Variants in THRAP3 observed in about 807,000 individuals in gnomAD.
THRAP3 encodes the protein thyroid hormone receptor associated protein 3.
Under a neutral mutation model 101.0 loss-of-function variants are expected in THRAP3, and 16 were observed. The observed-to-expected ratio is 0.16, with a 90% CI of 0.11 to 0.24. THRAP3 has a LOEUF of 0.24. THRAP3 is among the 10% of genes least tolerant of loss of function. The probability of loss-of-function intolerance (pLI) is 1.00; values close to 1 mark genes in which losing one functional copy is unlikely to be tolerated. For synonymous variants in THRAP3, 407 were observed against 422.6 expected (o/e 0.96, Z 0.45); for missense variants, 989 against 1,202.7 (o/e 0.82, Z 2.63).
chr1:36,263,212 G>A (rs1645470461), intron 2 of THRAP3, among the ~76,000 whole-genome samples: 4 of 151,924 alleles, frequency 2.6e-5, no homozygotes, highest in African/African-American at 9.7e-5. Flanking sequence ...TGATCCTCCT[G>A]CTTCGGCCTC....
intron 1 of THRAP3, among the ~76,000 whole-genome samples, chr1:36,240,989 G>A (rs1237975648): frequency 1.3e-5 from 2 of 151,934 alleles, no homozygotes; most frequent in South Asian, 2.1e-4. Context: ...GGCGGATCAC[G>A]AGGTCAGGAG....
the THRAP3 span, among the ~76,000 whole-genome samples, chr1:36,213,833 G>C: frequency 1.3e-5 from 2 of 148,514 alleles, no homozygotes; most frequent in Non-Finnish European, 3.0e-5. Flanking sequence ...GGCAACAAGA[G>C]CCAAACTCTG....
At chr1:36,276,805 C>G (rs142105342) in intron 2 of THRAP3, among the ~76,000 whole-genome samples, 1 of 149,344 alleles carries the variant, frequency 6.7e-6, no homozygotes, top group Middle Eastern at 3.3e-3. Flanking sequence ...TGCAGTGAGC[C>G]GAGATCACGC....
intron 1 of THRAP3, among the ~76,000 whole-genome samples, chr1:36,231,809 G>A (rs372508859): frequency 6.6e-6 from 1 of 152,280 alleles, no homozygotes; most frequent in East Asian, 1.9e-4. Context: ...ATGTCCTAGA[G>A]TCTTGACTAA....
intron 1 of THRAP3, among the ~76,000 whole-genome samples, chr1:36,255,029 A>G (rs1645355099): frequency 6.6e-6 from 1 of 152,196 alleles, no homozygotes; most frequent in Non-Finnish European, 1.5e-5. Context: ...GACATTGCAC[A>G]GTTTTCTGTG....
intron 1 of THRAP3, among the ~76,000 whole-genome samples, chr1:36,228,475 G>A (rs772346939): frequency 3.5e-4 from 53 of 152,234 alleles, no homozygotes; most frequent in Non-Finnish European, 5.6e-4. Flanking sequence ...GACCGTTTTG[G>A]CCTCCCAAAG....
intron 2 of THRAP3, among the ~76,000 whole-genome samples, chr1:36,278,849 G>C (rs1303330193): frequency 6.6e-6 from 1 of 151,958 alleles, no homozygotes; most frequent in South Asian, 2.1e-4. Flanking sequence ...CTTGAACCCA[G>C]GTGGCAGAGG....
At chr1:36,250,609 A>G (rs1164625008) in intron 1 of THRAP3, among the ~76,000 whole-genome samples, 2 of 152,016 alleles carry the variant, frequency 1.3e-5, no homozygotes, top group Non-Finnish European at 2.9e-5. Context: ...TATAAGACAC[A>G]TTAAAAAAAT....
chr1:36,299,217 G>A (rs938106295), intron 9 of THRAP3, among the ~76,000 whole-genome samples: 1 of 152,050 alleles, frequency 6.6e-6, no homozygotes, highest in Admixed American at 6.5e-5. Context: ...GAGGTGGGTG[G>A]AGCATGAGGT....
chr1:36,285,575 G>T (rs115066335), intron 3 of THRAP3, among the ~76,000 whole-genome samples: 4,064 of 152,188 alleles, frequency 0.027, 74 homozygotes, highest in Non-Finnish European at 0.041. Flanking sequence ...ACACCGGGGT[G>T]GGGGTGTTTT....
rs746007104 is a variant in THRAP3, at chr1:36,291,450, C to T, written c.1822C>T (p.Arg608Cys). The change falls in exon 6 of 12, where the codon CGT becomes TGT. Residue 608 changes from arginine to cysteine, a missense_variant. Physicochemically the swap from Arg to Cys is radical, Grantham distance 180. Coordinates refer to ENST00000354618, the MANE Select transcript of THRAP3 (RefSeq NM_005119.4). ...TAGCAACAAAAAGGAACAGGAGTTTCGTTCCATTTTCCAGCACATACAATC... is the reference window on the plus strand; with the variant it reads ...TAGCAACAAAAAGGAACAGGAGTTTTGTTCCATTTTCCAGCACATACAATC... ...VHSNKKEQEF[R>C]SIFQHIQSAQ... 7.4e-6 allele frequency: 12 copies of T among 1,614,192 alleles called. No homozygotes were observed. Among genetic ancestry groups the T allele is most frequent in the South Asian group, 1.1e-5 (1 of 91,086 alleles).
chr1:36,258,802 T>C (rs1455369344), intron 1 of THRAP3, among the ~76,000 whole-genome samples: 2 of 152,232 alleles, frequency 1.3e-5, no homozygotes, highest in East Asian at 1.9e-4. Context: ...AAAGTTTTGA[T>C]AAGGCAGGAG....
At chr1:36,268,152 A>T (rs564958273) in intron 2 of THRAP3, among the ~76,000 whole-genome samples, 13 of 152,138 alleles carry the variant, frequency 8.5e-5, no homozygotes, top group African/African-American at 3.1e-4. Context: ...ACTGTACTCC[A>T]GCCTGGGCAA....
chr1:36,243,151 C>CTT (rs58340320), intron 1 of THRAP3, among the ~76,000 whole-genome samples: 614 of 60,820 alleles, frequency 0.01, 15 homozygotes, highest in African/African-American at 0.028. Flanking sequence ...GAGGAACTTT[C>CTT]TTTTTTTTTT....
At chr1:36,282,477 G>A in intron 2 of THRAP3, 56 bp from the exon 3 acceptor site, 2 of 1,283,594 alleles carry the variant, frequency 1.6e-6, no homozygotes, top group East Asian at 2.4e-5. Flanking sequence ...TGTCCAAAGA[G>A]GTTCACATTT....
At chr1:36,298,793 A>C (rs1645986903) in intron 9 of THRAP3, among the ~76,000 whole-genome samples, 1 of 151,082 alleles carries the variant, frequency 6.6e-6, no homozygotes, top group South Asian at 2.1e-4. Flanking sequence ...GGCATGAGCT[A>C]CCACACCTGG....
intron 1 of THRAP3, among the ~76,000 whole-genome samples, chr1:36,241,395 A>G (rs1331546983): frequency 6.3e-3 from 34 of 5,420 alleles, no homozygotes; most frequent in African/African-American, 8.6e-3. Context: ...GTATATATAT[A>G]TATATATATA....
chr1:36,262,959 A>AT (rs55662646), intron 2 of THRAP3, among the ~76,000 whole-genome samples: 22,466 of 104,178 alleles, frequency 0.22, 2,987 homozygotes, highest in South Asian at 0.31. Context: ...GGGCCGGCTA[A>AT]TTTTTTTTTT....
chr1:36,285,839 C>A (rs937002982), intron 3 of THRAP3, among the ~76,000 whole-genome samples: 3 of 152,086 alleles, frequency 2.0e-5, no homozygotes, highest in African/African-American at 7.2e-5. Flanking sequence ...TTTAACGATC[C>A]CAAGCCTTAG....
Sources: allele counts gnomAD v4.1 joint callset (sites outside exome capture counted in the v4.1 genomes callset), GRCh38; gene constraint gnomAD v4.1.1; transcripts MANE v1.5; gene names NCBI Gene and HGNC (gene_info 2026-07-23, HGNC 2026-07-21).